The following CADM2 variants were observed in gnomAD, a reference collection of about 807,000 sequenced individuals.
CADM2 encodes cell adhesion molecule 2.
CADM2 carries 12 observed loss-of-function variants against 49.8 expected under a neutral mutation model. The ratio of observed to expected loss-of-function variants is 0.24; its 90% CI spans 0.15 to 0.39. CADM2 has a LOEUF of 0.39. Ranked by LOEUF, CADM2 falls within the 10% of genes least tolerant of loss-of-function variation. CADM2 has a pLI of 1.00. For missense variants in CADM2, 378 were observed against 492.3 expected (o/e 0.77, Z 2.20); for synonymous variants, 214 against 175.4 (o/e 1.22, Z -1.74).
At chr3:85,088,603 G>A (rs559481291) in intron 1 of CADM2, among the ~76,000 whole-genome samples, 2 of 151,808 alleles carry the variant, frequency 1.3e-5, no homozygotes, top group Non-Finnish European at 2.9e-5. Flanking sequence ...ACTGCAAGCA[G>A]GTCTTTATTT....
intron 1 of CADM2, among the ~76,000 whole-genome samples, chr3:85,242,072 T>C (rs2042544391): frequency 6.6e-6 from 1 of 150,854 alleles, no homozygotes; most frequent in Non-Finnish European, 1.5e-5. Flanking sequence ...GTTGTTTTTT[T>C]TTTTATATAT....
At chr3:85,008,608 A>C (rs2033850866) in intron 1 of CADM2, among the ~76,000 whole-genome samples, 1 of 152,136 alleles carries the variant, frequency 6.6e-6, no homozygotes, top group Non-Finnish European at 1.5e-5. Context: ...AGTAGAAATC[A>C]ATGAGGTTTC....
At chr3:85,452,353 T>C (rs1280090583) in intron 1 of CADM2, among the ~76,000 whole-genome samples, 1 of 152,132 alleles carries the variant, frequency 6.6e-6, no homozygotes, top group Non-Finnish European at 1.5e-5. Context: ...AGATTAAAAC[T>C]AATACAACAA....
At chr3:85,680,881 G>T (rs891959072) in intron 1 of CADM2, among the ~76,000 whole-genome samples, 1 of 152,042 alleles carries the variant, frequency 6.6e-6, no homozygotes, top group Non-Finnish European at 1.5e-5. Context: ...TGCCACCTAG[G>T]GGATAAAGTT....
At chr3:85,353,344 A>G (rs1369459748) in intron 1 of CADM2, among the ~76,000 whole-genome samples, 1 of 152,096 alleles carries the variant, frequency 6.6e-6, no homozygotes, top group Non-Finnish European at 1.5e-5. Flanking sequence ...TTCTGTGAAA[A>G]TAAAGATCAG....
At chr3:85,301,289 A>G (rs1349583502) in intron 1 of CADM2, among the ~76,000 whole-genome samples, 2 of 152,024 alleles carry the variant, frequency 1.3e-5, no homozygotes, top group Non-Finnish European at 2.9e-5. Context: ...CCAATTTGCA[A>G]TCACAAATAA....
chr3:85,727,276 C>G (rs1174248779), intron 2 of CADM2, among the ~76,000 whole-genome samples: 1 of 151,944 alleles, frequency 6.6e-6, no homozygotes, highest in African/African-American at 2.4e-5. Context: ...AAATTTTTTT[C>G]TCTTTCAGTT....
chr3:85,863,361 C>T (rs192288098), intron 3 of CADM2, among the ~76,000 whole-genome samples: 85 of 152,164 alleles, frequency 5.6e-4, no homozygotes, highest in Non-Finnish European at 9.0e-4. Flanking sequence ...AGGTGATTGC[C>T]AATGTCACTG....
chr3:85,156,336 C>T (rs1269518624), intron 1 of CADM2, among the ~76,000 whole-genome samples: 1 of 152,088 alleles, frequency 6.6e-6, no homozygotes, highest in Admixed American at 6.5e-5. Flanking sequence ...TCAGAGAATA[C>T]TACAAACACC....
intron 1 of CADM2, among the ~76,000 whole-genome samples, chr3:85,498,609 G>C (rs565653337): frequency 2.6e-5 from 4 of 152,106 alleles, no homozygotes; most frequent in Non-Finnish European, 5.9e-5. Flanking sequence ...GAAAATGTAA[G>C]ACCCTTTACA....
chr3:85,819,874 C>G (rs1317896143), intron 3 of CADM2, among the ~76,000 whole-genome samples: 1 of 151,878 alleles, frequency 6.6e-6, no homozygotes, highest in Non-Finnish European at 1.5e-5. Flanking sequence ...TGATCATAAA[C>G]AAAATAAATG....
intron 1 of CADM2, among the ~76,000 whole-genome samples, chr3:85,616,313 T>C (rs1331683304): frequency 6.6e-6 from 1 of 151,992 alleles, no homozygotes; most frequent in African/African-American, 2.4e-5. Context: ...AAGCACAATA[T>C]TAAGTATAGC....
chr3:85,848,244 A>G (rs1359939994), intron 3 of CADM2, among the ~76,000 whole-genome samples: 2 of 152,144 alleles, frequency 1.3e-5, no homozygotes, highest in East Asian at 1.9e-4. Flanking sequence ...TTTTTAGTAT[A>G]TGCACCAATT....
At chr3:85,122,596 T>C (rs1049927657) in intron 1 of CADM2, among the ~76,000 whole-genome samples, 1 of 152,144 alleles carries the variant, frequency 6.6e-6, no homozygotes, top group African/African-American at 2.4e-5. Flanking sequence ...TTCCCGAATC[T>C]CCATGTTTAA....
At chr3:85,628,063 A>T (rs1011348973) in intron 1 of CADM2, among the ~76,000 whole-genome samples, 1 of 152,072 alleles carries the variant, frequency 6.6e-6, no homozygotes, top group Non-Finnish European at 1.5e-5. Context: ...TAATAAAAGC[A>T]TCAACAGGAT....
intron 1 of CADM2, among the ~76,000 whole-genome samples, chr3:85,091,656 T>C (rs1343577479): frequency 2.0e-5 from 3 of 152,148 alleles, no homozygotes; most frequent in African/African-American, 7.2e-5. Context: ...AAAACATTTT[T>C]AGATTTAAAT....
intron 1 of CADM2, among the ~76,000 whole-genome samples, chr3:85,186,391 T>C (rs573008162): frequency 6.6e-6 from 1 of 152,210 alleles, no homozygotes; most frequent in African/African-American, 2.4e-5. Context: ...AATAACACAA[T>C]GACACAAGCA....
chr3:85,413,161 A>AAAAAAAATAAT (rs1553720239), intron 1 of CADM2, among the ~76,000 whole-genome samples: 5 of 108,510 alleles, frequency 4.6e-5, no homozygotes, highest in African/African-American at 2.0e-4. Context: ...AAAAAAAAAA[A>AAAAAAAATAAT]AATAATAATA....
At chr3:85,447,012 ATATATATATATATATATATGCTTAG>A in intron 1 of CADM2, among the ~76,000 whole-genome samples, 1 of 141,362 alleles carries the variant, frequency 7.1e-6, no homozygotes, top group Non-Finnish European at 1.5e-5. Context: ...ATATATATAT[ATATATATATATATATATATGCTTAG>A]TATATATTGA....
Sources: gnomAD v4.1 joint callset for allele counts (sites outside exome capture counted in the v4.1 genomes callset) on GRCh38, gnomAD v4.1.1 for gene constraint, MANE v1.5 for transcripts, NCBI Gene and HGNC (gene_info 2026-07-23, HGNC 2026-07-21) for gene names.